The following TMEM230 variants were observed in gnomAD, a reference collection of about 807,000 sequenced individuals.
The protein encoded by TMEM230 is transmembrane protein 230.
A neutral mutation model predicts 15.8 loss-of-function variants in TMEM230; 10 were observed. The ratio of observed to expected loss-of-function variants is 0.63; its 90% CI spans 0.39 to 1.07. TMEM230 has a LOEUF of 1.07. Ranked by LOEUF, TMEM230 falls within the 50% of genes least tolerant of loss-of-function variation. TMEM230 has a pLI of 0.01. For missense variants in TMEM230, 165 were observed against 193.3 expected, an observed-to-expected ratio of 0.85 and a Z score of 0.87; for synonymous variants, 67 against 76.9, an observed-to-expected ratio of 0.87 and a Z score of 0.68.
chr20:5,099,215 T>C (rs1315653578), downstream of TMEM230, among the ~76,000 whole-genome samples: 1 of 88,194 alleles, frequency 1.1e-5, no homozygotes, highest in Non-Finnish European at 2.2e-5. Context: ...AATAAATAAA[T>C]AAATAAATAA....
At chr20:5,085,868 G>A (rs75621849) in intron 3 of TMEM230, among the ~76,000 whole-genome samples, 2,619 of 152,104 alleles carry the variant, frequency 0.017, 72 homozygotes, top group African/African-American at 0.059. Flanking sequence ...CCTCTCCCAA[G>A]GCCCCTCGTG....
intron 3 of TMEM230, among the ~76,000 whole-genome samples, chr20:5,086,933 G>C (rs1171829872): frequency 6.6e-6 from 1 of 152,036 alleles, no homozygotes; most frequent in African/African-American, 2.4e-5. Flanking sequence ...GAGTGCAGTG[G>C]TGTGACCATG....
intron 3 of TMEM230, among the ~76,000 whole-genome samples, chr20:5,075,980 G>A (rs1013304374): frequency 9.9e-5 from 15 of 151,910 alleles, no homozygotes; most frequent in Middle Eastern, 3.4e-3. Context: ...GTGGTGGTGC[G>A]CACCTGTGGT....
chr20:5,073,590 C>G (rs2088896004), intron 3 of TMEM230, among the ~76,000 whole-genome samples: 1 of 152,198 alleles, frequency 6.6e-6, no homozygotes, highest in South Asian at 2.1e-4. Context: ...GAGGTGCCAG[C>G]TCAGACGCCA....
At chr20:5,096,459 G>A (rs2089667147), downstream of TMEM230, among the ~76,000 whole-genome samples, 4 of 152,170 alleles carry the variant, frequency 2.6e-5, no homozygotes, top group Non-Finnish European at 5.9e-5. Flanking sequence ...CTCAGGATAG[G>A]AACTTAATGA....
At chr20:5,072,764 G>A (rs923666316) in intron 3 of TMEM230, among the ~76,000 whole-genome samples, 1 of 143,326 alleles carries the variant, frequency 7.0e-6, no homozygotes, top group Admixed American at 7.7e-5. Flanking sequence ...CAAGAGAATT[G>A]CTTGAACCTG....
chr20:5,091,230 G>GT (rs899291731), intron 3 of TMEM230, among the ~76,000 whole-genome samples: 2 of 151,882 alleles, frequency 1.3e-5, no homozygotes, highest in African/African-American at 4.8e-5. Context: ...ACTGTTTTTT[G>GT]TTTTTTTGAG....
chr20:5,066,567 G>A (rs1389970005), downstream of TMEM230, among the ~76,000 whole-genome samples: 1 of 151,654 alleles, frequency 6.6e-6, no homozygotes, highest in Admixed American at 6.6e-5. Flanking sequence ...AGCTACTTGG[G>A]AGGCTGAAGC....
At chr20:5,065,106 G>T (rs2088639366), downstream of TMEM230, among the ~76,000 whole-genome samples, 2 of 151,618 alleles carry the variant, frequency 1.3e-5, no homozygotes, top group African/African-American at 4.9e-5. Flanking sequence ...AGGAAGGCAG[G>T]TTTAGTCTCA....
chr20:5,073,240 A>G (rs1235386158), intron 3 of TMEM230, among the ~76,000 whole-genome samples: 1 of 152,216 alleles, frequency 6.6e-6, no homozygotes, highest in Non-Finnish European at 1.5e-5. Flanking sequence ...CAACAGCTCC[A>G]AAAACTCCAG....
chr20:5,092,095 T>C (rs1162269443), intron 3 of TMEM230, among the ~76,000 whole-genome samples: 2 of 152,206 alleles, frequency 1.3e-5, no homozygotes, highest in Non-Finnish European at 2.9e-5. Flanking sequence ...GCCTGCCTCC[T>C]TTGTTTTCCT....
chr20:5,097,509 G>A (rs2089697309), downstream of TMEM230, among the ~76,000 whole-genome samples: 1 of 152,164 alleles, frequency 6.6e-6, no homozygotes, highest in Non-Finnish European at 1.5e-5. Flanking sequence ...TCTGACAACT[G>A]ACCACGGTTC....
the TMEM230 span, among the ~76,000 whole-genome samples, chr20:5,059,156 C>A: frequency 6.6e-6 from 1 of 151,930 alleles, no homozygotes; most frequent in Non-Finnish European, 1.5e-5. Context: ...TGTTTTCTTT[C>A]TTTTATTTTC....
the TMEM230 span, among the ~76,000 whole-genome samples, chr20:5,062,045 AC>A: frequency 1.1e-4 from 17 of 151,886 alleles, no homozygotes; most frequent in African/African-American, 4.1e-4. Context: ...ACATGGTGAA[AC>A]CCCATCTCTA....
intron 4 of TMEM230, among the ~76,000 whole-genome samples, chr20:5,105,314 G>A (rs1379566941): frequency 1.3e-5 from 2 of 151,420 alleles, no homozygotes; most frequent in African/African-American, 2.4e-5. Flanking sequence ...ATGTATGTAT[G>A]TATGTGTATA....
At chr20:5,067,755 C>CA (rs547925181), downstream of TMEM230, among the ~76,000 whole-genome samples, 2 of 87,070 alleles carry the variant, frequency 2.3e-5, no homozygotes, top group African/African-American at 8.0e-5. Flanking sequence ...CACCCAGCCC[C>CA]CCTCTGCTTT....
In TMEM230 at chr20:5,113,057, C is replaced by A. The variant is rs1037212186; in HGVS notation, c.-29G>T. The A allele has an allele frequency of 1.2e-5, 18 of 1,541,294 alleles. No homozygotes were observed. The highest frequency in any genetic ancestry group is 2.0e-5 in the Admixed American group (1 of 50,876). The stretch of plus-strand genomic sequence containing the variant: ...ATGGCCCGCTTAAGTGCCACTCAGC[C>A]GGCCCCAGGCGGGATCAGTGCGCCG... On this transcript the variant is annotated 5_prime_UTR_variant, in exon 1 of 5. Transcript: ENST00000342308.
At chr20:5,075,317 G>A (rs1048785945) in intron 3 of TMEM230, among the ~76,000 whole-genome samples, 3 of 151,392 alleles carry the variant, frequency 2.0e-5, no homozygotes, top group South Asian at 4.2e-4. Context: ...CACCCGTCTC[G>A]GCCTCCCAAA....
intron 3 of TMEM230, among the ~76,000 whole-genome samples, chr20:5,087,024 C>T (rs1479264448): frequency 1.3e-5 from 2 of 152,156 alleles, no homozygotes; most frequent in Non-Finnish European, 2.9e-5. Flanking sequence ...CAGGCATGCA[C>T]CACCATGCTC....
Sources: allele counts gnomAD v4.1 joint callset (sites outside exome capture counted in the v4.1 genomes callset), GRCh38; gene constraint gnomAD v4.1.1; transcripts MANE v1.5; gene names NCBI Gene and HGNC (gene_info 2026-07-23, HGNC 2026-07-21).